Variants in DPYSL3 observed in about 807,000 individuals in gnomAD.
DPYSL3 encodes the protein dihydropyrimidinase-related protein 3.
In DPYSL3, 16 loss-of-function variants were observed where a neutral mutation model predicts 66.1. The ratio of observed to expected loss-of-function variants is 0.24; its 90% CI spans 0.16 to 0.37. DPYSL3 has a LOEUF of 0.37. Ranked by LOEUF, DPYSL3 falls within the 10% of genes least tolerant of loss-of-function variation. DPYSL3 has a pLI of 1.00. For missense variants in DPYSL3, 738 were observed against 916.2 expected (o/e 0.81, Z 2.51); for synonymous variants, 338 against 345.1 (o/e 0.98, Z 0.23).
At position 147,509,050 on chromosome 5, in the gene DPYSL3, C is replaced by T. The variant is rs1282518062; in HGVS notation, c.381+428G>A. ...GAGATGACCCCCATATTCCCAGCAT[C>T]ACTTTGCCCTCTGCCGTGGTGACCC... On this transcript the variant is annotated intron_variant, in intron 1 of 13. Coordinates refer to ENST00000343218, the MANE Select transcript of DPYSL3 (RefSeq NM_001197294.2). This position sits in a 1 kb window ranked among gnomAD's most constrained non-coding sequence, Gnocchi z 5.3. Among the ~76,000 whole-genome samples the T allele has an allele frequency of 6.6e-6, 1 of 152,148 alleles. No individual in the cohort carries two copies. Among genetic ancestry groups the T allele is most frequent in the Non-Finnish European group, 1.5e-5 (1 of 68,032 alleles).
Position 147,463,362 on chromosome 5 carries a change from C to T in DPYSL3, c.382-38399G>A, listed in dbSNP as rs149418776. On this transcript the variant is annotated intron_variant, in intron 1 of 13. Coordinates refer to ENST00000343218, the MANE Select transcript of DPYSL3 (RefSeq NM_001197294.2). Reference sequence around the variant, plus strand: ...TTCAGACAGTGCACCTAGCCATCTACCTTATATGGAAAGAAAACAAAAACG... The same window carrying T: ...TTCAGACAGTGCACCTAGCCATCTATCTTATATGGAAAGAAAACAAAAACG... Among the ~76,000 whole-genome samples, 1,062 of 152,124 alleles carry T rather than the reference C, an allele frequency of 7.0e-3. 13 individuals carry two copies. Among genetic ancestry groups the T allele is most frequent in the African/African-American group, 0.024 (999 of 41,462 alleles).
intron 1 of DPYSL3, among the ~76,000 whole-genome samples, chr5:147,497,896 T>C (rs1561806723): frequency 2.0e-5 from 3 of 149,654 alleles, no homozygotes; most frequent in African/African-American, 7.3e-5. Flanking sequence ...CTTCCTTCCC[T>C]TCTCTCTCTC....
intron 1 of DPYSL3, among the ~76,000 whole-genome samples, chr5:147,468,340 A>C (rs1217217066): frequency 2.0e-5 from 3 of 152,246 alleles, no homozygotes; most frequent in Non-Finnish European, 2.9e-5. Context: ...CCACTATTAC[A>C]AATGATTTCA....
rs529837191 is a variant in DPYSL3, at chr5:147,408,628, A to G, written c.1032+100T>C. The G allele has an allele frequency of 3.8e-6, 5 of 1,306,432 alleles. No individual in the cohort carries two copies. In the South Asian group the frequency reaches 6.2e-5, roughly 16 times the overall value. The allele number at this position is 1,306,432 out of a possible 1,614,324, so 80.9% of individuals were successfully genotyped here. A position where few individuals can be genotyped will look rare whatever the true frequency, so the allele number is the denominator to read the frequency against. On this transcript the variant is annotated intron_variant, in intron 7 of 13. Coordinates refer to ENST00000343218, the MANE Select transcript of DPYSL3 (RefSeq NM_001197294.2). ...GAGTCAATCAGAAGTGGTCTTTGGA[A>G]GAAATGTTCCAATACTGCAACCTGG...
At chr5:147,462,619 G>A (rs1195834409) in intron 1 of DPYSL3, among the ~76,000 whole-genome samples, 1 of 152,128 alleles carries the variant, frequency 6.6e-6, no homozygotes, top group Admixed American at 6.5e-5. Flanking sequence ...GGTCTCTTCA[G>A]GTTTTAGAGA....
At chr5:147,492,046 C>G (rs1224827176) in intron 1 of DPYSL3, among the ~76,000 whole-genome samples, 5 of 151,828 alleles carry the variant, frequency 3.3e-5, no homozygotes, top group Admixed American at 6.6e-5. Context: ...TAAAAGAAGC[C>G]ATAGGGGGGG....
chr5:147,492,835 T>C (rs1244778293), intron 1 of DPYSL3, among the ~76,000 whole-genome samples: 1 of 152,148 alleles, frequency 6.6e-6, no homozygotes, highest in Non-Finnish European at 1.5e-5. Flanking sequence ...CTATAATCCA[T>C]CTGTAACAAT....
chr5:147,458,498 G>C lies in DPYSL3; in HGVS notation c.382-33535C>G, dbSNP rs1287841893. Among the ~76,000 whole-genome samples the C allele has an allele frequency of 2.6e-5, 4 of 152,300 alleles. No individual in the cohort carries two copies. The East Asian group carries it at 7.7e-4, about 29-fold the overall frequency. On this transcript the variant is annotated intron_variant, in intron 1 of 13. Coordinates refer to ENST00000343218, the MANE Select transcript of DPYSL3 (RefSeq NM_001197294.2). ...TCGGGGCTGCTCTGTTTATGGAGCA[G>C]CCATTCTTTTGTTCCTTTACTTTCT... is the stretch of plus-strand genomic sequence containing the variant.
rs41291409 is a variant in DPYSL3, at chr5:147,399,005, C to T, written c.1623+77G>A. The T allele has an allele frequency of 8.6e-3, 13,454 of 1,558,256 alleles. 87 individuals carry two copies. Among genetic ancestry groups the T allele is most frequent in the Middle Eastern group, 0.022 (98 of 4,386 alleles). ...CTAGTCTAACTACCCTGGCACACCA[C>T]ATAAACACATTTCTCCTGACCAAGT... On this transcript the variant is annotated intron_variant, in intron 11 of 13. Coordinates refer to ENST00000343218, the MANE Select transcript of DPYSL3 (RefSeq NM_001197294.2).
At chr5:147,502,378 C>CACACAA (rs755042053) in intron 1 of DPYSL3, among the ~76,000 whole-genome samples, 1 of 60,492 alleles carries the variant, frequency 1.7e-5, no homozygotes, top group East Asian at 2.9e-4. Flanking sequence ...GTCACAGATA[C>CACACAA]ACACACACAC....
chr5:147,488,649 G>A (rs1043833416), intron 1 of DPYSL3, among the ~76,000 whole-genome samples: 4 of 152,134 alleles, frequency 2.6e-5, no homozygotes, highest in Non-Finnish European at 5.9e-5. Flanking sequence ...CCAGGAAGTT[G>A]AGGCTGCAAT....
chr5:147,491,929 T>C (rs1317624787), intron 1 of DPYSL3, among the ~76,000 whole-genome samples: 2 of 151,908 alleles, frequency 1.3e-5, no homozygotes, highest in African/African-American at 4.8e-5. Flanking sequence ...GGCACTAAAC[T>C]ACAGATCCAG....
At chr5:147,495,610 A>G (rs549815721) in intron 1 of DPYSL3, among the ~76,000 whole-genome samples, 1 of 152,292 alleles carries the variant, frequency 6.6e-6, no homozygotes, top group South Asian at 2.1e-4. Context: ...AATAACAGAC[A>G]AACAGAGAGC....
chr5:147,395,625 G>A lies in DPYSL3; in HGVS notation c.1900C>T (p.Arg634Trp), dbSNP rs751361322. Residue 634 changes from arginine (R) to tryptophan (W), a missense_variant, in exon 13 of 14, where the codon CGG becomes TGG. Coordinates refer to ENST00000343218, the MANE Select transcript of DPYSL3 (RefSeq NM_001197294.2). ...GGGTTCGGCCGAGTAGGAGAGCCCC[G>A]AGCAGAGCCTGCGGGGGTGCCACCT... The part of the protein sequence containing the change: ...PKGGTPAGSA[R>W]GSPTRPNPPV... 13 of 1,613,932 alleles carry A rather than the reference G, an allele frequency of 8.1e-6. No homozygotes were observed. The highest frequency in any genetic ancestry group is 1.6e-4 in the Middle Eastern group (1 of 6,084).
intron 1 of DPYSL3, among the ~76,000 whole-genome samples, chr5:147,440,170 A>G (rs58462856): frequency 0.05 from 7,557 of 152,054 alleles, 608 homozygotes; most frequent in African/African-American, 0.17. Flanking sequence ...AGGCATGGTG[A>G]CAGGCGCCTG....
chr5:147,456,578 T>C (rs1362968025), intron 1 of DPYSL3, among the ~76,000 whole-genome samples: 2 of 146,804 alleles, frequency 1.4e-5, no homozygotes, highest in Non-Finnish European at 3.0e-5. Context: ...TGCTACTGAT[T>C]CTATTTTTTT....
intron 2 of DPYSL3, among the ~76,000 whole-genome samples, chr5:147,419,267 A>C (rs1241691769): frequency 1.3e-5 from 2 of 152,206 alleles, no homozygotes; most frequent in Non-Finnish European, 2.9e-5. Context: ...AGCTGCCTTT[A>C]TGACATGGTC....
chr5:147,404,968 A>C (rs756932845), intron 8 of DPYSL3, among the ~76,000 whole-genome samples: 10 of 152,194 alleles, frequency 6.6e-5, no homozygotes, highest in Non-Finnish European at 1.2e-4. Context: ...GACCCAAGCC[A>C]GACCAGTCAC....
Position 147,509,592 on chromosome 5 carries a change from GC to G in DPYSL3, c.266del (p.Gly89AlafsTer20). 6.5e-7 allele frequency: 1 copy of G among 1,535,450 alleles called. No homozygotes were observed. Among genetic ancestry groups the G allele is most frequent in the Non-Finnish European group, 8.7e-7 (1 of 1,146,636 alleles). On this transcript the variant is annotated frameshift_variant, in exon 1 of 14. Coordinates refer to ENST00000343218, the MANE Select transcript of DPYSL3 (RefSeq NM_001197294.2). LOFTEE classifies it high-confidence loss of function. This position sits in a 1 kb window ranked among gnomAD's most constrained non-coding sequence, Gnocchi z 5.3. ...GCTCCCTGCTCTCTTCCCGGCCTTG[GC>G]CCCTGCGCGGGGTGTCCCCCTCGAT... ...PGIEGDTPRR[G>X]QGREESREPA...
Sources: gnomAD v4.1 joint callset for allele counts (sites outside exome capture counted in the v4.1 genomes callset) on GRCh38, gnomAD v4.1.1 for gene constraint, Gnocchi (gnomAD v3.1) non-coding constraint, MANE v1.5 for transcripts, NCBI Gene and HGNC (gene_info 2026-07-23, HGNC 2026-07-21) for gene names.